Variants in MUC12 observed in about 807,000 individuals in gnomAD.
MUC12 encodes mucin 12, cell surface associated, also known as mucin-12.
In MUC12, 172 loss-of-function variants were observed where a neutral mutation model predicts 230.8. The ratio of observed to expected loss-of-function variants is 0.75; its 90% CI spans 0.66 to 0.85. MUC12 has a LOEUF of 0.85. MUC12 is among the 40% of genes least tolerant of loss of function. The pLI is 0.00. For missense variants in MUC12, 3,506 were observed against 5,920.6 expected (o/e 0.59, Z 13.38); for synonymous variants, 1,259 against 2,401.9 (o/e 0.52, Z 13.91).
intron 5 of MUC12, among the ~76,000 whole-genome samples, chr7:101,011,853 G>T (rs535319911): frequency 6.6e-6 from 1 of 152,296 alleles, no homozygotes; most frequent in African/African-American, 2.4e-5. Flanking sequence ...AAAAACACAA[G>T]GGTACAAATA....
At chr7:100,981,385 G>C (rs1183177459) in intron 1 of MUC12, 3 of 647,898 alleles carry the variant, frequency 4.6e-6, no homozygotes, top group Non-Finnish European at 8.3e-6. Flanking sequence ...GAAGAACCTG[G>C]GCTTGGTGGA....
intron 3 of MUC12, among the ~76,000 whole-genome samples, chr7:101,007,497 A>G (rs1218954923): frequency 1.3e-5 from 2 of 152,250 alleles, no homozygotes; most frequent in Non-Finnish European, 2.9e-5. Context: ...AAGTGAGAAC[A>G]TGCAATGTTT....
intron 1 of MUC12, chr7:100,972,847 T>A (rs1326553207): frequency 1.4e-6 from 1 of 702,440 alleles, no homozygotes; most frequent in Non-Finnish European, 2.6e-6. Flanking sequence ...CACGCTTTTC[T>A]GGGTACTCCA....
At chr7:100,974,327 G>A (rs1030072547) in intron 1 of MUC12, among the ~76,000 whole-genome samples, 8 of 151,528 alleles carry the variant, frequency 5.3e-5, no homozygotes, top group African/African-American at 1.9e-4. Flanking sequence ...ATGTATGTTA[G>A]GCCATTCCAT....
Position 100,992,306 on chromosome 7 carries a change from C to G in MUC12, c.1743C>G (p.His581Gln), listed in dbSNP as rs1158135118. Reference sequence around the variant, plus strand: ...TTGGTCCAGAATATACTACCTTCCACAGCCGCCCAGGCTCCACTGAAACAA... The same window carrying G: ...TTGGTCCAGAATATACTACCTTCCAGAGCCGCCCAGGCTCCACTGAAACAA... ...SSLGPEYTTF[H>Q]SRPGSTETTL... The change falls in exon 2 of 12, where the codon CAC becomes CAG. Residue 581 changes from histidine (H) to glutamine (Q), a missense_variant. Coordinates refer to ENST00000536621, the MANE Select transcript of MUC12 (RefSeq NM_001164462.2). The G allele has an allele frequency of 2.6e-6, 4 of 1,536,722 alleles. No homozygotes were observed. Among genetic ancestry groups the G allele is most frequent in the Non-Finnish European group, 3.5e-6 (4 of 1,146,160 alleles).
At chr7:100,987,172 C>A (rs1204090366) in intron 1 of MUC12, among the ~76,000 whole-genome samples, 4 of 149,048 alleles carry the variant, frequency 2.7e-5, no homozygotes, top group Admixed American at 6.9e-5. Context: ...GTTCAAGCGA[C>A]TCTCCTGTCT....
Position 100,992,252 on chromosome 7 carries a change from G to A in MUC12, c.1689G>A (p.Leu563=), listed in dbSNP as rs1033278151. ...GCCCAGGCCCCACAGACACAACATTGTCCCCTGGCAGTACCACAGCATCAT... is the reference window on the plus strand; with the variant it reads ...GCCCAGGCCCCACAGACACAACATTATCCCCTGGCAGTACCACAGCATCAT... The part of the protein sequence containing the change: ...HSSPGPTDTT[L]SPGSTTASSL... Residue 563 remains leucine (L), a synonymous_variant, in exon 2 of 12, where the codon TTG becomes TTA. Transcript: ENST00000536621. 6.5e-7 allele frequency: 1 copy of A among 1,536,976 alleles called. No individual in the cohort carries two copies.
intron 10 of MUC12, among the ~76,000 whole-genome samples, chr7:101,015,977 A>G (rs960553880): frequency 1.3e-5 from 2 of 152,152 alleles, no homozygotes; most frequent in Non-Finnish European, 2.9e-5. Context: ...TTCCCAGGGC[A>G]GAGGGAGCAG....
At chr7:100,975,331 C>T (rs886234318) in intron 1 of MUC12, among the ~76,000 whole-genome samples, 23 of 152,296 alleles carry the variant, frequency 1.5e-4, no homozygotes, top group African/African-American at 2.4e-4. Context: ...AAGGGGTCAG[C>T]GCTCTTTAGC....
chr7:101,016,838 G>C (rs1009503113), intron 10 of MUC12: 2 of 152,640 alleles, frequency 1.3e-5, no homozygotes, highest in Admixed American at 1.3e-4. Flanking sequence ...AGCCGGTGGA[G>C]CACACTGAGT....
At chr7:100,979,262 C>T (rs1353335776) in intron 1 of MUC12, among the ~76,000 whole-genome samples, 1 of 152,150 alleles carries the variant, frequency 6.6e-6, no homozygotes. Flanking sequence ...ACCTGCTTAG[C>T]AGGAGAGGGA....
chr7:101,009,305 G>A, intron 5 of MUC12, 146 bp downstream of exon 5: 2 of 794,162 alleles, frequency 2.5e-6, no homozygotes, highest in South Asian at 3.3e-5. Flanking sequence ...TGGGGGCTGT[G>A]ACACCTTTCA....
intron 1 of MUC12, among the ~76,000 whole-genome samples, chr7:100,970,669 T>A (rs1466749718): frequency 6.6e-6 from 1 of 151,442 alleles, no homozygotes; most frequent in African/African-American, 2.4e-5. Flanking sequence ...GTCAGGAAAT[T>A]GAGACCATCC....
intron 3 of MUC12, 51 bp from the exon 4 acceptor site, chr7:101,008,583 G>A (rs1185300182): frequency 1.3e-6 from 2 of 1,519,400 alleles, no homozygotes; most frequent in Non-Finnish European, 1.8e-6. Context: ...AATCCTGGGG[G>A]ACATTATTGG....
intron 2 of MUC12, among the ~76,000 whole-genome samples, chr7:101,006,032 A>G (rs1333517290): frequency 6.6e-6 from 1 of 152,008 alleles, no homozygotes; most frequent in Non-Finnish European, 1.5e-5. Flanking sequence ...TCCTGACCTC[A>G]AGTGATCCAC....
Position 101,005,137 on chromosome 7 carries a change from C to A in MUC12, c.14574C>A (p.Gly4858=). The A allele has an allele frequency of 6.5e-7, 1 of 1,537,976 alleles. No homozygotes were observed. Residue 4858 remains glycine (G), a synonymous_variant, in exon 2 of 12, where the codon GGC becomes GGA. Coordinates refer to ENST00000536621, the MANE Select transcript of MUC12 (RefSeq NM_001164462.2). ...EESTTFYSSP[G]STETTAFSHS... ...CTACCACCTTCTACAGCAGCCCAGG[C>A]TCAACTGAAACCACAGCGTTTTCTC...
At chr7:100,976,072 G>T (rs79696078) in intron 1 of MUC12, among the ~76,000 whole-genome samples, 2 of 149,586 alleles carry the variant, frequency 1.3e-5, no homozygotes, top group African/African-American at 4.9e-5. Flanking sequence ...TGGGAGGATC[G>T]CTTGAGGGCA....
chr7:100,995,761 C>T lies in MUC12; in HGVS notation c.5198C>T (p.Thr1733Ile), dbSNP rs760057495. Reference sequence around the variant, plus strand: ...ACAACCCACTTTTCTGCCAGCTCCACAACCTTGGGCCGTAGTGAGGAATCG... The same window carrying T: ...ACAACCCACTTTTCTGCCAGCTCCATAACCTTGGGCCGTAGTGAGGAATCG... ...TPTTHFSASSTTLGRSEESTT... is the reference protein window; with the variant it reads ...TPTTHFSASSITLGRSEESTT... Residue 1733 changes from threonine (T) to isoleucine (I), a missense_variant, in exon 2 of 12, where the codon ACA (threonine) becomes ATA (isoleucine). By Grantham distance (89) the Thr-to-Ile change is moderately conservative. Coordinates refer to ENST00000536621, the MANE Select transcript of MUC12 (RefSeq NM_001164462.2). 3.3e-6 allele frequency: 5 copies of T among 1,533,060 alleles called. No individual in the cohort carries two copies. The highest frequency in any genetic ancestry group is 1.4e-5 in the African/African-American group (1 of 71,330). 95.0% of individuals were successfully genotyped at this position (1,533,060 alleles called of 1,614,324 possible).
rs991361457 is a variant in MUC12, at chr7:101,005,262, A to G, written c.14699A>G (p.Asp4900Gly). The change falls in exon 2 of 12, where the codon GAC becomes GGC. Residue 4900 changes from aspartate (D) to glycine (G), a missense_variant. By Grantham distance (94) the Asp-to-Gly change is moderately conservative. Transcript: ENST00000536621. The stretch of plus-strand genomic sequence containing the variant: ...TTACCTGCCACCCTCACAACCACAG[A>G]CATTGGTCAGGAATCAACAGCCTTC... ...TVLPATLTTTDIGQESTAFHS... is the reference protein window; with the variant it reads ...TVLPATLTTTGIGQESTAFHS... 1.3e-6 allele frequency: 2 copies of G among 1,537,812 alleles called. No homozygotes were observed. Among genetic ancestry groups the G allele is most frequent in the South Asian group, 1.2e-5 (1 of 84,054 alleles).
Sources: gnomAD v4.1 joint callset for allele counts (sites outside exome capture counted in the v4.1 genomes callset) on GRCh38, gnomAD v4.1.1 for gene constraint, MANE v1.5 for transcripts, NCBI Gene and HGNC (gene_info 2026-07-23, HGNC 2026-07-21) for gene names.